MTMR8: variants seen among roughly 807,000 people sequenced by gnomAD.
The protein encoded by MTMR8 is phosphatidylinositol-3,5-bisphosphate 3-phosphatase MTMR8.
MTMR8 carries 65 observed loss-of-function variants against 39.3 expected under a neutral mutation model. The observed-to-expected ratio is 1.65, with a 90% CI of 1.35 to 2.03. MTMR8 has a LOEUF of 2.03. Ranked by LOEUF, MTMR8 falls within the 30% of genes most tolerant of loss-of-function variation. MTMR8 has a pLI of 0.00. For missense variants in MTMR8, 777 were observed against 538.9 expected, an observed-to-expected ratio of 1.44 and a Z score of -4.37; for synonymous variants, 245 against 185.2, an observed-to-expected ratio of 1.32 and a Z score of -2.62.
chrX:64,308,316 G>A (rs1922187396), intron 12 of MTMR8, among the ~76,000 whole-genome samples: 1 of 97,756 alleles, frequency 1.0e-5, no homozygotes, highest in Non-Finnish European at 2.0e-5. Flanking sequence ...CATCACGGCT[G>A]GCTATTTTTT....
chrX:64,297,781 G>A (rs1921673546), intron 12 of MTMR8, among the ~76,000 whole-genome samples: 1 of 111,247 alleles, frequency 9.0e-6, no homozygotes, highest in Admixed American at 9.6e-5. Context: ...AAAGGATCCA[G>A]TTTCAGCTTT....
At chrX:64,338,470 C>T (rs939819836) in intron 8 of MTMR8, among the ~76,000 whole-genome samples, 3 of 112,110 alleles carry the variant, frequency 2.7e-5, no homozygotes, top group Non-Finnish European at 5.6e-5. Flanking sequence ...AATGATGTAA[C>T]AGCGTGTACA....
intron 10 of MTMR8, among the ~76,000 whole-genome samples, chrX:64,335,757 A>C (rs1213491895): frequency 9.0e-6 from 1 of 111,493 alleles, no homozygotes; most frequent in Non-Finnish European, 1.9e-5. Context: ...AATGCTGTGT[A>C]CTCCTGGAAG....
At chrX:64,319,676 C>CT (rs775097165) in intron 12 of MTMR8, among the ~76,000 whole-genome samples, 34 of 111,025 alleles carry the variant, frequency 3.1e-4, no homozygotes, top group East Asian at 5.6e-4. Context: ...TTCCCCATTG[C>CT]TTTTTTTTGT....
chrX:64,326,908 A>T (rs1292843950), intron 12 of MTMR8, among the ~76,000 whole-genome samples: 1 of 111,240 alleles, frequency 9.0e-6, no homozygotes, highest in East Asian at 2.8e-4. Flanking sequence ...ATACAGGCAA[A>T]GGTGTGAAGA....
At chrX:64,286,147 A>G (rs1479413019) in intron 12 of MTMR8, among the ~76,000 whole-genome samples, 1 of 112,188 alleles carries the variant, frequency 8.9e-6, no homozygotes, top group Non-Finnish European at 1.9e-5. Context: ...AGGGGATGTC[A>G]CCACTGTTCC....
intron 12 of MTMR8, among the ~76,000 whole-genome samples, chrX:64,325,400 C>T (rs754055253): frequency 3.6e-5 from 4 of 111,659 alleles, no homozygotes; most frequent in Admixed American, 9.5e-5. Flanking sequence ...CAACAAAATA[C>T]TAGCAAACAG....
chrX:64,303,484 A>C (rs777910974), intron 12 of MTMR8, among the ~76,000 whole-genome samples: 1 of 112,349 alleles, frequency 8.9e-6, no homozygotes, highest in Non-Finnish European at 1.9e-5. Context: ...ATTTTTAAAC[A>C]CAAAGTAGAT....
At position 64,331,758 on chromosome X, in the gene MTMR8, C is replaced by A. The variant is rs187913884; in HGVS notation, c.1152-1G>T. ...AGAGTCCCCATCGAGGTGGCCACAC[C>A]TGAGAGATGAAAATAAAGGTAAAGA... On this transcript the variant is annotated splice_acceptor_variant, in intron 10 of 13. Coordinates refer to ENST00000374852, the MANE Select transcript of MTMR8 (RefSeq NM_017677.4). LOFTEE classifies it high-confidence loss of function. The A allele has an allele frequency of 8.4e-7, 1 of 1,195,272 alleles. No homozygotes were observed. The highest frequency in any genetic ancestry group is 1.1e-6 in the Non-Finnish European group (1 of 883,425).
chrX:64,306,753 G>C (rs964439596), intron 12 of MTMR8: 5 of 111,793 alleles, frequency 4.5e-5, no homozygotes, highest in Admixed American at 9.6e-5. Flanking sequence ...ACGAGCTGAT[G>C]ACTCCTTCCC....
At chrX:64,326,077 G>A (rs1465372125) in intron 12 of MTMR8, among the ~76,000 whole-genome samples, 2 of 111,649 alleles carry the variant, frequency 1.8e-5, no homozygotes, top group African/African-American at 6.5e-5. Flanking sequence ...TATAAGTTAA[G>A]CTAAAGAAAA....
intron 3 of MTMR8, among the ~76,000 whole-genome samples, chrX:64,355,881 T>C (rs1273280409): frequency 9.0e-6 from 1 of 111,548 alleles, no homozygotes; most frequent in African/African-American, 3.3e-5. Context: ...CACAAGTTGA[T>C]ACTTTAAAGG....
intron 2 of MTMR8, among the ~76,000 whole-genome samples, chrX:64,358,672 T>C (rs1923691892): frequency 9.0e-6 from 1 of 111,393 alleles, no homozygotes; most frequent in African/African-American, 3.3e-5. Context: ...AAGAAGCATG[T>C]TGTACTTCTT....
At chrX:64,350,773 A>G (rs1447290029) in intron 4 of MTMR8, among the ~76,000 whole-genome samples, 1 of 111,187 alleles carries the variant, frequency 9.0e-6, no homozygotes, top group Non-Finnish European at 1.9e-5. Flanking sequence ...AAAGACTGAC[A>G]TATTTTCTCA....
intron 12 of MTMR8, among the ~76,000 whole-genome samples, chrX:64,301,343 A>T (rs1290244804): frequency 2.0e-4 from 21 of 105,758 alleles, no homozygotes; most frequent in Non-Finnish European, 2.5e-4. Flanking sequence ...TCCATTGCTG[A>T]TACCCTTTCT....
intron 12 of MTMR8, among the ~76,000 whole-genome samples, chrX:64,280,583 C>A (rs1471177797): frequency 9.0e-6 from 1 of 111,425 alleles, no homozygotes; most frequent in African/African-American, 3.3e-5. Flanking sequence ...AAACCCACAG[C>A]CAATATCATA....
At chrX:64,305,283 C>T (rs1922066972) in intron 12 of MTMR8, 1 of 174,219 alleles carries the variant, frequency 5.7e-6, no homozygotes, top group Non-Finnish European at 1.1e-5. Context: ...CATTTTTAGC[C>T]ATTTTTAATA....
intron 2 of MTMR8, among the ~76,000 whole-genome samples, chrX:64,357,146 T>TTTG (rs1286102318): frequency 8.9e-6 from 1 of 111,935 alleles, no homozygotes; most frequent in Admixed American, 9.5e-5. Context: ...AAAAGCCATA[T>TTTG]AATCATGGTT....
chrX:64,311,341 G>C (rs868105834), intron 12 of MTMR8, among the ~76,000 whole-genome samples: 1 of 111,040 alleles, frequency 9.0e-6, no homozygotes, highest in Middle Eastern at 4.6e-3. Flanking sequence ...CTTTTTGATG[G>C]GGTTTTTTTT....
Sources: allele counts gnomAD v4.1 joint callset (sites outside exome capture counted in the v4.1 genomes callset), GRCh38; gene constraint gnomAD v4.1.1; transcripts MANE v1.5; gene names NCBI Gene and HGNC (gene_info 2026-07-23, HGNC 2026-07-21).